DUS2: variants seen among roughly 807,000 people sequenced by gnomAD.
The protein encoded by DUS2 is dihydrouridine synthase 2, also known as tRNA-dihydrouridine(20) synthase [NAD(P)+]-like.
Under a neutral mutation model 71.3 loss-of-function variants are expected in DUS2, and 52 were observed. The observed-to-expected ratio is 0.73, with a 90% CI of 0.58 to 0.92. The LOEUF (loss-of-function observed/expected upper bound fraction) is 0.92, where lower values mean the gene tolerates loss of function less well. Among genes scored for constraint, DUS2 ranks in the 40% least tolerant of loss-of-function variants. The probability of loss-of-function intolerance (pLI) is 0.00; values close to 1 mark genes in which losing one functional copy is unlikely to be tolerated. For synonymous variants in DUS2, 204 were observed against 227.8 expected (o/e 0.90, Z 0.94); for missense variants, 558 against 622.6 (o/e 0.90, Z 1.10).
intron 8 of DUS2, among the ~76,000 whole-genome samples, chr16:68,062,187 T>C (rs1393031414): frequency 6.6e-6 from 1 of 151,856 alleles, no homozygotes; most frequent in Non-Finnish European, 1.5e-5. Flanking sequence ...ATTTTTGTAT[T>C]TTTAGTAGAG....
chr16:68,057,263 A>AAG (rs58932460), intron 7 of DUS2, among the ~76,000 whole-genome samples: 4,592 of 144,080 alleles, frequency 0.032, 228 homozygotes, highest in African/African-American at 0.11. Flanking sequence ...GAGAGAGAGA[A>AAG]AGAGAGAGAG....
chr16:68,024,462 G>A (rs1395877545), intron 1 of DUS2, among the ~76,000 whole-genome samples: 1 of 152,120 alleles, frequency 6.6e-6, no homozygotes, highest in East Asian at 1.9e-4. Context: ...CAGTGCCTGG[G>A]GTGGGAGATA....
chr16:68,050,661 GTATCTA>G (rs2033766210), intron 4 of DUS2, among the ~76,000 whole-genome samples: 2 of 152,040 alleles, frequency 1.3e-5, no homozygotes, highest in South Asian at 4.1e-4. Context: ...GAAAAAAAAT[GTATCTA>G]TATCTATATC....
intron 2 of DUS2, among the ~76,000 whole-genome samples, chr16:68,030,379 A>C (rs1440490779): frequency 1.3e-5 from 2 of 151,952 alleles, no homozygotes; most frequent in Non-Finnish European, 2.9e-5. Flanking sequence ...GGATCACTTG[A>C]GGTCAGGAGT....
intron 2 of DUS2, among the ~76,000 whole-genome samples, chr16:68,036,200 G>T (rs952264573): frequency 1.4e-5 from 2 of 142,016 alleles, no homozygotes; most frequent in African/African-American, 5.3e-5. Context: ...TTGCTCTGTC[G>T]CCCAGGCTGG....
rs149178709 is a variant in DUS2, at chr16:68,038,465, C to T, written c.126+316C>T. Among the ~76,000 whole-genome samples the T allele has an allele frequency of 7.8e-3, 1,194 of 152,258 alleles. 20 individuals are homozygous for T. The highest frequency in any genetic ancestry group is 0.027 in the African/African-American group (1,132 of 41,546). ...ATAAAAGAGGCCTGGCACAGTGGCT[C>T]ATGGCTGTAATCCCAGCACTTTGGG... On this transcript the variant is annotated intron_variant, in intron 3 of 16. Transcript: ENST00000565263.
chr16:68,032,787 G>T (rs1286002217), intron 2 of DUS2, among the ~76,000 whole-genome samples: 1 of 151,444 alleles, frequency 6.6e-6, no homozygotes, highest in African/African-American at 2.4e-5. Context: ...GGTGGTGGGT[G>T]CCTGTAATCC....
Position 68,079,063 on chromosome 16 carries a change from G to A in DUS2, c.*77G>A. 2 of 1,290,040 alleles carry A rather than the reference G, an allele frequency of 1.6e-6. No individual in the cohort carries two copies. The highest frequency in any genetic ancestry group is 1.6e-5 in the South Asian group (1 of 62,664). The allele number at this position is 1,290,040 out of a possible 1,614,324, so 79.9% of individuals were successfully genotyped here. The stretch of plus-strand genomic sequence containing the variant: ...GTGGATGCCACAGCATGAACCAGAT[G>A]CCGTTGAACAGTTTGCTGGTCTTGC... On this transcript the variant is annotated 3_prime_UTR_variant, in exon 17 of 17. Coordinates refer to ENST00000565263, the MANE Select transcript of DUS2 (RefSeq NM_017803.5).
At chr16:68,032,952 G>A (rs1184198821) in intron 2 of DUS2, among the ~76,000 whole-genome samples, 1 of 151,118 alleles carries the variant, frequency 6.6e-6, no homozygotes, top group African/African-American at 2.4e-5. Context: ...GGGTGGCCAG[G>A]GCCGAGAGGG....
At chr16:68,043,631 A>G (rs1051736337) in intron 3 of DUS2, among the ~76,000 whole-genome samples, 2 of 152,212 alleles carry the variant, frequency 1.3e-5, no homozygotes, top group African/African-American at 4.8e-5. Flanking sequence ...TTTAAAAACA[A>G]CAAATTAAAA....
At chr16:68,068,190 T>C (rs915889694) in intron 10 of DUS2, among the ~76,000 whole-genome samples, 2 of 152,234 alleles carry the variant, frequency 1.3e-5, no homozygotes, top group African/African-American at 4.8e-5. Context: ...CTCTGAGTGA[T>C]GTTCCTTTGG....
At chr16:68,053,005 C>T (rs1049344275) in intron 4 of DUS2, among the ~76,000 whole-genome samples, 5 of 151,716 alleles carry the variant, frequency 3.3e-5, no homozygotes, top group Non-Finnish European at 5.9e-5. Context: ...CTCTGTCGCC[C>T]AGGCTGGAGT....
At chr16:68,070,031 A>G in intron 10 of DUS2, 103 bp from the exon 11 acceptor site, 1 of 1,018,380 alleles carries the variant, frequency 9.8e-7, no homozygotes, top group Admixed American at 1.8e-5. Context: ...GACCTTCCTG[A>G]GGTTCAGTGG....
chr16:68,059,373 C>T (rs2033906983), intron 7 of DUS2, among the ~76,000 whole-genome samples: 1 of 152,038 alleles, frequency 6.6e-6, no homozygotes, highest in Non-Finnish European at 1.5e-5. Context: ...AAGGAAATTC[C>T]ATTGTTGAGA....
chr16:68,075,626 T>C, intron 14 of DUS2, 122 bp downstream of exon 14: 1 of 1,052,404 alleles, frequency 9.5e-7, no homozygotes, highest in Non-Finnish European at 1.3e-6. Context: ...TCTTGTTGGT[T>C]TGGAAACTCG....
In DUS2 at chr16:68,059,468, G is replaced by A. The variant is rs572230571; in HGVS notation, c.370-1598G>A. Among the ~76,000 whole-genome samples the A allele has an allele frequency of 9.8e-5, 15 of 152,304 alleles. No homozygotes were observed. In the South Asian group the frequency reaches 3.1e-3, roughly 32 times the overall value. ...AAGGGCTGGATACGTGTGAGTGGAA[G>A]GACAGATGGAGCCAGGGGGAGTGCT... On this transcript the variant is annotated intron_variant, in intron 7 of 16. Transcript: ENST00000565263.
chr16:68,056,853 A>T (rs2033860227), intron 7 of DUS2, among the ~76,000 whole-genome samples: 1 of 144,184 alleles, frequency 6.9e-6, no homozygotes. Context: ...ATATAATGTT[A>T]TATATTATTT....
intron 1 of DUS2, among the ~76,000 whole-genome samples, chr16:68,024,155 G>A (rs2033305950): frequency 6.7e-6 from 1 of 148,226 alleles, no homozygotes; most frequent in Non-Finnish European, 1.5e-5. Flanking sequence ...GGAGTGCAGT[G>A]GCGCAATCTC....
rs2034009213 is a variant in DUS2 at position 68,066,649 on chromosome 16, CTT to C, written c.554+15_554+16del. On this transcript the variant is annotated intron_variant, in intron 10 of 16. Transcript: ENST00000565263. ...CAGTTCATGGGAGGTGAGTGGTCAC[CTT>C]TCTAGTGACTGGCAGGGAGGTCCTA... 1.1e-5 allele frequency: 17 copies of C among 1,613,618 alleles called. No homozygotes were observed. In the East Asian group the frequency reaches 3.8e-4, roughly 36 times the overall value.
Sources: gnomAD v4.1 joint callset for allele counts (sites outside exome capture counted in the v4.1 genomes callset) on GRCh38, gnomAD v4.1.1 for gene constraint, MANE v1.5 for transcripts, NCBI Gene and HGNC (gene_info 2026-07-23, HGNC 2026-07-21) for gene names.